Variants in PIBF1 observed in about 807,000 individuals in gnomAD.
PIBF1 encodes the protein progesterone immunomodulatory binding factor 1, also known as progesterone-induced-blocking factor 1.
A neutral mutation model predicts 112.5 loss-of-function variants in PIBF1; 90 were observed. That is an observed-to-expected ratio of 0.80 (90% confidence interval 0.67 to 0.95). The LOEUF is 0.95. PIBF1 is among the 40% of genes least tolerant of loss of function. The pLI, the probability that PIBF1 is intolerant of heterozygous loss-of-function variation, is 0.00. For missense variants in PIBF1, 915 were observed against 852.3 expected (o/e 1.07, Z -0.92); for synonymous variants, 301 against 288.6 (o/e 1.04, Z -0.44).
chr13:73,015,891 G>A lies in PIBF1; in HGVS notation c.2246G>A (p.Trp749Ter), dbSNP rs750856562. ...CAGACTAAAAAAGAAGCACCTGAGTGGTCTAAGAAACAAAAGATGAAGACC... is the reference window on the plus strand; with the variant it reads ...CAGACTAAAAAAGAAGCACCTGAGTAGTCTAAGAAACAAAAGATGAAGACC... ...TLFTKKEAPEWSKKQKMKT is the reference protein window; with the variant it reads ...TLFTKKEAPE Residue 749 changes from tryptophan (W) to a stop codon, truncating the protein, a stop_gained, in exon 18 of 18, where the codon TGG becomes TAG. Transcript: ENST00000326291. LOFTEE classifies it high-confidence loss of function. The A allele has an allele frequency of 6.3e-7, 1 of 1,586,238 alleles. No individual in the cohort carries two copies. The highest frequency in any genetic ancestry group is 1.1e-5 in the South Asian group (1 of 87,124).
At chr13:72,814,159 C>T (rs56273196) in intron 5 of PIBF1, among the ~76,000 whole-genome samples, 21,462 of 152,048 alleles carry the variant, frequency 0.14, 1,678 homozygotes, top group Non-Finnish European at 0.17. Context: ...AAAAATGGGC[C>T]GGGTGCAGTG....
chr13:72,883,545 G>A (rs766146825), intron 10 of PIBF1, among the ~76,000 whole-genome samples: 6 of 152,186 alleles, frequency 3.9e-5, no homozygotes, highest in Admixed American at 1.3e-4. Context: ...GGAGTGTAGT[G>A]ACATGATCTC....
chr13:72,991,474 AG>A (rs2043478470), intron 16 of PIBF1, among the ~76,000 whole-genome samples: 2 of 152,214 alleles, frequency 1.3e-5, no homozygotes, highest in Non-Finnish European at 2.9e-5. Context: ...TCATTCATAT[AG>A]TAATGGTAAT....
chr13:72,967,150 G>C (rs926192260), intron 15 of PIBF1, among the ~76,000 whole-genome samples: 5 of 151,920 alleles, frequency 3.3e-5, no homozygotes, highest in African/African-American at 9.7e-5. Flanking sequence ...TGGTCAGGCT[G>C]GTCTTGAACT....
chr13:72,791,256 A>G (rs867556635), intron 2 of PIBF1, among the ~76,000 whole-genome samples: 106 of 152,160 alleles, frequency 7.0e-4, no homozygotes, highest in African/African-American at 2.5e-3. Flanking sequence ...GAGTTTTACT[A>G]TGTTAGCCAG....
At chr13:72,795,601 G>A (rs2035155066) in intron 4 of PIBF1, 44 bp downstream of exon 4, 2 of 1,230,612 alleles carry the variant, frequency 1.6e-6, no homozygotes, top group Non-Finnish European at 2.3e-6. Flanking sequence ...TATATTTTCA[G>A]ACTAAAATTT....
intron 10 of PIBF1, among the ~76,000 whole-genome samples, chr13:72,876,776 T>C (rs1276512483): frequency 1.3e-5 from 2 of 152,222 alleles, no homozygotes; most frequent in East Asian, 3.9e-4. Context: ...TGCCCTTGTA[T>C]CCTGCAACAT....
chr13:72,931,187 C>T lies in PIBF1; in HGVS notation c.1753C>T (p.Leu585Phe), dbSNP rs1329953645. 6.2e-7 allele frequency: 1 copy of T among 1,611,594 alleles called. No homozygotes were observed. Among genetic ancestry groups the T allele is most frequent in the East Asian group, 2.2e-5 (1 of 44,718 alleles). The change falls in exon 14 of 18, where the codon CTT becomes TTT. Residue 585 changes from leucine (L) to phenylalanine (F), a missense_variant. Coordinates refer to ENST00000326291, the MANE Select transcript of PIBF1 (RefSeq NM_006346.4). ...TAGTGTTCACTTGGCAAGAAGAGTG[C>T]TTCAATTAGAAAAACAAAACTCGCT... is the stretch of plus-strand genomic sequence containing the variant. ...KQSVHLARRVLQLEKQNSLIL... is the reference protein window; with the variant it reads ...KQSVHLARRVFQLEKQNSLIL...
At chr13:72,871,205 C>T (rs1463235022) in intron 10 of PIBF1, among the ~76,000 whole-genome samples, 1 of 152,076 alleles carries the variant, frequency 6.6e-6, no homozygotes, top group Non-Finnish European at 1.5e-5. Flanking sequence ...CTCCATCCCT[C>T]ACAAAGAAAA....
chr13:72,872,668 T>C (rs999280457), intron 10 of PIBF1, among the ~76,000 whole-genome samples: 2 of 152,170 alleles, frequency 1.3e-5, no homozygotes, highest in African/African-American at 4.8e-5. Flanking sequence ...AAATTAAGGC[T>C]CCAGGAGGTT....
intron 14 of PIBF1, among the ~76,000 whole-genome samples, chr13:72,958,031 A>C (rs2042497763): frequency 6.6e-6 from 1 of 151,872 alleles, no homozygotes; most frequent in Non-Finnish European, 1.5e-5. Flanking sequence ...CACCTGAGAG[A>C]CTGAAGTGGG....
chr13:72,790,558 GATAGATAA>G (rs1188485903), intron 2 of PIBF1, among the ~76,000 whole-genome samples: 1 of 130,334 alleles, frequency 7.7e-6, no homozygotes, highest in South Asian at 2.4e-4. Context: ...TAGATAGATA[GATAGATAA>G]ATCAGCATAT....
chr13:72,851,507 G>A (rs1471809882), intron 9 of PIBF1, among the ~76,000 whole-genome samples: 1 of 152,238 alleles, frequency 6.6e-6, no homozygotes, highest in African/African-American at 2.4e-5. Context: ...CAAAGTGGGG[G>A]ATGAGGGTGT....
intron 9 of PIBF1, among the ~76,000 whole-genome samples, chr13:72,840,859 G>A (rs2037580554): frequency 6.6e-6 from 1 of 152,108 alleles, no homozygotes; most frequent in African/African-American, 2.4e-5. Flanking sequence ...CTGAAATGAT[G>A]ATTAATGAAA....
chr13:72,805,678 A>G (rs2035697656), intron 5 of PIBF1, among the ~76,000 whole-genome samples: 2 of 152,338 alleles, frequency 1.3e-5, no homozygotes, highest in Admixed American at 1.3e-4. Flanking sequence ...CAAGAATTTT[A>G]AGGGACTTAA....
At chr13:72,969,563 T>A (rs2042836690) in intron 15 of PIBF1, 2 of 152,192 alleles carry the variant, frequency 1.3e-5, no homozygotes, top group African/African-American at 4.8e-5. Flanking sequence ...CCTGGTGACA[T>A]GAATGAAATG....
At chr13:72,962,867 C>A (rs1412924125) in intron 14 of PIBF1, among the ~76,000 whole-genome samples, 1 of 152,144 alleles carries the variant, frequency 6.6e-6, no homozygotes, top group Non-Finnish European at 1.5e-5. Context: ...GCTCAGATTT[C>A]CAGATTTCTG....
chr13:72,952,997 A>G (rs1363578036), intron 14 of PIBF1, among the ~76,000 whole-genome samples: 2 of 152,124 alleles, frequency 1.3e-5, no homozygotes, highest in Non-Finnish European at 2.9e-5. Flanking sequence ...AAGCAGGTGG[A>G]TAAATGCCAT....
chr13:72,913,817 C>T (rs1199680215), intron 12 of PIBF1, among the ~76,000 whole-genome samples: 1 of 151,452 alleles, frequency 6.6e-6, no homozygotes, highest in Non-Finnish European at 1.5e-5. Flanking sequence ...TACATTTTTT[C>T]AGTGTGTCCA....
Sources: gnomAD v4.1 joint callset for allele counts (sites outside exome capture counted in the v4.1 genomes callset) on GRCh38, gnomAD v4.1.1 for gene constraint, MANE v1.5 for transcripts, NCBI Gene and HGNC (gene_info 2026-07-23, HGNC 2026-07-21) for gene names.